The following FAM193A variants were observed in gnomAD, a reference collection of about 807,000 sequenced individuals.
FAM193A encodes protein FAM193A.
FAM193A carries 22 observed loss-of-function variants against 126.5 expected under a neutral mutation model. The observed-to-expected ratio is 0.17, with a 90% CI of 0.12 to 0.25. FAM193A has a LOEUF of 0.25. Ranked by LOEUF, FAM193A falls within the 10% of genes least tolerant of loss-of-function variation. The pLI, the probability that FAM193A is intolerant of heterozygous loss-of-function variation, is 1.00. For missense variants in FAM193A, 1,675 were observed against 1,672.8 expected (o/e 1.00, Z -0.02); for synonymous variants, 761 against 646.8 (o/e 1.18, Z -2.68).
At chr4:2,716,595 C>G (rs926579922) in intron 20 of FAM193A, among the ~76,000 whole-genome samples, 4 of 152,224 alleles carry the variant, frequency 2.6e-5, no homozygotes, top group African/African-American at 7.2e-5. Flanking sequence ...TACATACTTG[C>G]TGTTTTCCTG....
chr4:2,692,301 C>G (rs1716488658), intron 15 of FAM193A, among the ~76,000 whole-genome samples: 1 of 152,196 alleles, frequency 6.6e-6, no homozygotes, highest in Non-Finnish European at 1.5e-5. Context: ...CTCGTGAGAA[C>G]TCACTCACTA....
chr4:2,670,248 G>A (rs374312901), intron 12 of FAM193A, among the ~76,000 whole-genome samples: 2 of 151,980 alleles, frequency 1.3e-5, no homozygotes, highest in South Asian at 2.1e-4. Context: ...TTTAGCTATT[G>A]TACTCTTCAC....
At chr4:2,540,463 G>A (rs566318446) in intron 1 of FAM193A, among the ~76,000 whole-genome samples, 9 of 150,142 alleles carry the variant, frequency 6.0e-5, no homozygotes, top group East Asian at 2.0e-4. Context: ...GCGAGACTCC[G>A]TCTCAAAACA....
Position 2,646,171 on chromosome 4 carries a change from T to C in FAM193A, c.1164-514T>C, listed in dbSNP as rs1745120066. Reference sequence around the variant, plus strand: ...CTTTGAGCATCTCCTTTTTTTTTTTTTTTTTTTTTTTTTTTTGAGACAGAT... The same window carrying C: ...CTTTGAGCATCTCCTTTTTTTTTTTCTTTTTTTTTTTTTTTTGAGACAGAT... On this transcript the variant is annotated intron_variant, in intron 6 of 20. Transcript: ENST00000637812. 3.9e-5 allele frequency among the ~76,000 whole-genome samples: 5 copies of C among 129,308 alleles called. No homozygotes were observed. The Admixed American group carries it at 3.9e-4, about 10-fold the overall frequency. 84.8% of individuals were successfully genotyped at this position (129,308 alleles called of 152,430 possible).
Position 2,630,951 on chromosome 4 carries a change from C to T in FAM193A, c.820C>T (p.Pro274Ser), listed in dbSNP as rs769099752. 2 of 1,601,816 alleles carry T rather than the reference C, an allele frequency of 1.2e-6. No individual in the cohort carries two copies. The highest frequency in any genetic ancestry group is 1.1e-5 in the South Asian group (1 of 90,664). Reference protein sequence around the residue: ...ELVDRLCERDPYQLYQRLEQQ... With the variant: ...ELVDRLCERDSYQLYQRLEQQ... ...TCTGTGCAGGCTCTGCGAGAGGGAC[C>T]CCTACCAGCTGTACCAGCGTCTGGA... Residue 274 changes from proline to serine, a missense_variant, in exon 5 of 21, where the codon CCC becomes TCC. Around this residue, in one of 4 missense-constraint regions of FAM193A, gnomAD observed 1,186 missense variants for 1,109.2 expected, o/e 1.07. Coordinates refer to ENST00000637812, the MANE Select transcript of FAM193A (RefSeq NM_001366318.2).
intron 5 of FAM193A, among the ~76,000 whole-genome samples, chr4:2,635,627 A>C (rs1420027372): frequency 6.6e-6 from 1 of 152,122 alleles, no homozygotes; most frequent in East Asian, 1.9e-4. Flanking sequence ...CTGCCTCCCC[A>C]GTTCAAGCGA....
chr4:2,666,612 A>C (rs1477406208), intron 12 of FAM193A, among the ~76,000 whole-genome samples: 1 of 152,172 alleles, frequency 6.6e-6, no homozygotes, highest in Non-Finnish European at 1.5e-5. Context: ...ATTTGATAGA[A>C]TTCACCAGCA....
chr4:2,626,289 T>G, intron 3 of FAM193A, 121 bp from the exon 4 acceptor site: 1 of 625,426 alleles, frequency 1.6e-6, no homozygotes, highest in Non-Finnish European at 2.9e-6. Context: ...GCAGCCTGAT[T>G]GCCGGCTCCT....
At position 2,718,061 on chromosome 4, in the gene FAM193A, G is replaced by A. The variant is rs1395663872; in HGVS notation, c.4454+1957G>A. Among the ~76,000 whole-genome samples the A allele has an allele frequency of 2.0e-5, 3 of 152,142 alleles. No homozygotes were observed. In the East Asian group the frequency reaches 5.8e-4, roughly 29 times the overall value. On this transcript the variant is annotated intron_variant, in intron 20 of 20. Coordinates refer to ENST00000637812, the MANE Select transcript of FAM193A (RefSeq NM_001366318.2). ...AACTTTTTAGAGCTGTTTATGTAAG[G>A]CTATAATTGCCTAAATTAGTTTTTA...
intron 4 of FAM193A, among the ~76,000 whole-genome samples, chr4:2,629,075 A>G (rs994674183): frequency 1.3e-5 from 2 of 152,050 alleles, no homozygotes; most frequent in East Asian, 1.9e-4. Flanking sequence ...GATGGTCTCA[A>G]TCTCGCCTCC....
At chr4:2,644,402 T>C (rs1192673154) in intron 6 of FAM193A, among the ~76,000 whole-genome samples, 1 of 152,042 alleles carries the variant, frequency 6.6e-6, no homozygotes, top group Non-Finnish European at 1.5e-5. Context: ...CTGGATTCTG[T>C]GTGAAGAATG....
chr4:2,569,716 G>A (rs1739181792), intron 1 of FAM193A, among the ~76,000 whole-genome samples: 2 of 151,754 alleles, frequency 1.3e-5, no homozygotes, highest in African/African-American at 4.8e-5. Context: ...TGTTGCCCAG[G>A]CTGGTCTTGA....
intron 3 of FAM193A, among the ~76,000 whole-genome samples, chr4:2,625,797 G>C (rs956036921): frequency 7.1e-6 from 1 of 141,616 alleles, no homozygotes; most frequent in African/African-American, 2.7e-5. Flanking sequence ...CGTGATCTCC[G>C]CTCACCACAA....
At chr4:2,691,254 C>A (rs1023793738) in intron 15 of FAM193A, among the ~76,000 whole-genome samples, 23 of 152,160 alleles carry the variant, frequency 1.5e-4, no homozygotes, top group Admixed American at 1.5e-3. Context: ...CACTCTTGTT[C>A]GCCCAGGCTG....
In FAM193A at chr4:2,622,453, T is replaced by G. The variant is rs1194283012; in HGVS notation, c.502-2809T>G. On this transcript the variant is annotated intron_variant, in intron 2 of 20. Transcript: ENST00000637812. The stretch of plus-strand genomic sequence containing the variant: ...CGGAGACTTGGGGGTCTTTGTTCTC[T>G]GCTGGGTTGTCTAGGTTCTTTTTGG... Among the ~76,000 whole-genome samples, 4 of 152,024 alleles carry G rather than the reference T, an allele frequency of 2.6e-5. No homozygotes were observed. In the East Asian group the frequency reaches 7.7e-4, roughly 29 times the overall value.
rs1055967425 is a variant in FAM193A, at chr4:2,571,285, G to A, written c.256-24799G>A. On this transcript the variant is annotated intron_variant, in intron 1 of 20. Coordinates refer to ENST00000637812, the MANE Select transcript of FAM193A (RefSeq NM_001366318.2). ...TTGTACAGGCTGCCCTGTACCCCAT[G>A]GATTAATTATCCATTCTGAGCCCTG... 3.9e-5 allele frequency among the ~76,000 whole-genome samples: 6 copies of A among 152,136 alleles called. No individual in the cohort carries two copies. In the East Asian group the frequency reaches 5.8e-4, roughly 15 times the overall value.
At chr4:2,570,694 T>C (rs768556135) in intron 1 of FAM193A, among the ~76,000 whole-genome samples, 2 of 152,124 alleles carry the variant, frequency 1.3e-5, no homozygotes, top group Non-Finnish European at 2.9e-5. Flanking sequence ...TAGGAGACAG[T>C]GTCTCTGTAG....
intron 10 of FAM193A, among the ~76,000 whole-genome samples, chr4:2,660,760 C>A (rs1712339417): frequency 6.6e-6 from 1 of 152,236 alleles, no homozygotes; most frequent in Admixed American, 6.5e-5. Flanking sequence ...CTCTGACCAA[C>A]TGACTTGTGT....
At chr4:2,673,378 A>C (rs1393007584) in intron 13 of FAM193A, among the ~76,000 whole-genome samples, 2 of 152,156 alleles carry the variant, frequency 1.3e-5, no homozygotes, top group Non-Finnish European at 2.9e-5. Flanking sequence ...AGTGGGGTAC[A>C]TGTAGCCCAT....
Sources: gnomAD v4.1 joint callset for allele counts (sites outside exome capture counted in the v4.1 genomes callset) on GRCh38, gnomAD v4.1.1 for gene constraint, gnomAD v4.1.1 regional missense constraint, MANE v1.5 for transcripts, NCBI Gene and HGNC (gene_info 2026-07-23, HGNC 2026-07-21) for gene names.